Variants in CALN1 observed in about 807,000 individuals in gnomAD.
CALN1 encodes calcium-binding protein 8.
CALN1 carries 17 observed loss-of-function variants against 30.6 expected under a neutral mutation model. The ratio of observed to expected loss-of-function variants is 0.56; its 90% CI spans 0.38 to 0.83. The LOEUF is 0.83. CALN1 is among the 40% of genes least tolerant of loss of function. CALN1 has a pLI of 0.00. For synonymous variants in CALN1, 156 were observed against 131.4 expected (o/e 1.19, Z -1.28); for missense variants, 291 against 354.9 (o/e 0.82, Z 1.45).
intron 6 of CALN1, among the ~76,000 whole-genome samples, chr7:71,797,382 T>C (rs1786992487): frequency 6.6e-6 from 1 of 152,226 alleles, no homozygotes; most frequent in African/African-American, 2.4e-5. Context: ...TGATATTTTA[T>C]GATTCTATGA....
chr7:71,952,015 T>A (rs1796717723), intron 5 of CALN1, among the ~76,000 whole-genome samples: 1 of 152,038 alleles, frequency 6.6e-6, no homozygotes, highest in Non-Finnish European at 1.5e-5. Context: ...CGGCTGCTGA[T>A]GGTGGAGGGA....
chr7:72,209,330 T>TCCTTCCC (rs1562740200), intron 3 of CALN1, among the ~76,000 whole-genome samples: 12 of 3,324 alleles, frequency 3.6e-3, no homozygotes, highest in Non-Finnish European at 4.6e-3. Flanking sequence ...CCTTCCCTCT[T>TCCTTCCC]TCCTTCCCTC....
In CALN1 at chr7:72,345,470, GAGGGA is replaced by G. The variant is rs199671716; in HGVS notation, c.119+57776_119+57780del. 1.9e-3 allele frequency among the ~76,000 whole-genome samples: 281 copies of G among 148,248 alleles called. 3 individuals carry two copies. The highest frequency in any genetic ancestry group is 0.014 in the Middle Eastern group (4 of 286). On this transcript the variant is annotated intron_variant, in intron 2 of 6. Coordinates refer to ENST00000395275, the MANE Select transcript of CALN1 (RefSeq NM_031468.4). ...GAAAGACAAAAAGACAAAAGAAAGA[GAGGGA>G]AGGGAAGGGAAGGGAGAGAGGGAGA...
At chr7:72,345,928 G>A (rs986786020) in intron 2 of CALN1, among the ~76,000 whole-genome samples, 17 of 152,092 alleles carry the variant, frequency 1.1e-4, no homozygotes, top group Non-Finnish European at 2.9e-5. Flanking sequence ...CAACAGGCAT[G>A]TCCGGAAAAA....
intron 5 of CALN1, among the ~76,000 whole-genome samples, chr7:71,968,587 G>A (rs528507838): frequency 1.3e-5 from 2 of 152,090 alleles, no homozygotes; most frequent in East Asian, 3.9e-4. Context: ...TCACCATGCT[G>A]GCCAGGCTGG....
chr7:72,004,253 G>C (rs1799661966), intron 5 of CALN1, among the ~76,000 whole-genome samples: 1 of 152,082 alleles, frequency 6.6e-6, no homozygotes, highest in Non-Finnish European at 1.5e-5. Flanking sequence ...ATTGATTTTT[G>C]GCAAAGTCAT....
At position 72,110,651 on chromosome 7, in the gene CALN1, A is replaced by G. The variant is rs554128393; in HGVS notation, c.245-4357T>C. On this transcript the variant is annotated intron_variant, in intron 3 of 6. Transcript: ENST00000395275. ...CTGTCTGCAGAAGCAGACAAACCTC[A>G]CTAACTTTTTTTTTTTTTTTCAAAA... 1.8e-3 allele frequency among the ~76,000 whole-genome samples: 255 copies of G among 139,544 alleles called. 1 individual carries two copies. The highest frequency in any genetic ancestry group is 1.7e-3 in the South Asian group (8 of 4,578). 91.5% of individuals were successfully genotyped at this position (139,544 alleles called of 152,430 possible).
intron 3 of CALN1, among the ~76,000 whole-genome samples, chr7:72,261,714 C>T (rs1202944916): frequency 6.6e-6 from 1 of 152,164 alleles, no homozygotes; most frequent in Non-Finnish European, 1.5e-5. Flanking sequence ...AGGCATGAAT[C>T]ACCACACCCA....
At chr7:72,079,761 CTTTTTTTTTTTTTT>C (rs3065015) in intron 4 of CALN1, among the ~76,000 whole-genome samples, 17 of 104,038 alleles carry the variant, frequency 1.6e-4, no homozygotes, top group Non-Finnish European at 2.2e-4. Flanking sequence ...TGCCTTTTTC[CTTTTTTTTTTTTTT>C]TTTTTTTTTT....
At chr7:72,368,223 G>A (rs1049627929) in intron 2 of CALN1, among the ~76,000 whole-genome samples, 4 of 150,474 alleles carry the variant, frequency 2.7e-5, no homozygotes, top group Admixed American at 6.7e-5. Flanking sequence ...ATCTATGTGC[G>A]TGATATATAT....
rs1428382331 is a variant in CALN1, at chr7:71,783,354, CA to C, written c.*4420del. 1 of 152,134 alleles carries C rather than the reference CA, an allele frequency of 6.6e-6. No individual in the cohort carries two copies. The highest frequency in any genetic ancestry group is 2.4e-5 in the African/African-American group (1 of 41,428). 9.4% of individuals were successfully genotyped at this position (152,134 alleles called of 1,614,324 possible). A position where few individuals can be genotyped will look rare whatever the true frequency, so the allele number is the denominator to read the frequency against. On this transcript the variant is annotated 3_prime_UTR_variant, in exon 7 of 7. Transcript: ENST00000395275. Reference sequence around the variant, plus strand: ...ATATAGGAAAAGGGGCCCTTCCTAGCAGGGGAATTCCAGACCCCCCCTGTTA... The same window carrying C: ...ATATAGGAAAAGGGGCCCTTCCTAGCGGGGAATTCCAGACCCCCCCTGTTA...
chr7:72,162,198 A>C (rs1788162862), intron 3 of CALN1, among the ~76,000 whole-genome samples: 1 of 152,124 alleles, frequency 6.6e-6, no homozygotes, highest in South Asian at 2.1e-4. Context: ...TGAGAGTCAC[A>C]TAATCTATTA....
intron 3 of CALN1, among the ~76,000 whole-genome samples, chr7:72,204,012 G>C (rs1197065917): frequency 2.0e-5 from 1 of 48,966 alleles, no homozygotes; most frequent in Non-Finnish European, 3.0e-5. Context: ...TTTTTTTTGA[G>C]ACAGAGTCTC....
chr7:72,071,339 A>T (rs1804379371), intron 4 of CALN1, among the ~76,000 whole-genome samples: 1 of 152,142 alleles, frequency 6.6e-6, no homozygotes, highest in Non-Finnish European at 1.5e-5. Flanking sequence ...CCATTGTATA[A>T]GCTCCACCCC....
intron 2 of CALN1, among the ~76,000 whole-genome samples, chr7:72,327,027 G>T (rs1801325240): frequency 6.6e-6 from 1 of 152,196 alleles, no homozygotes; most frequent in African/African-American, 2.4e-5. Flanking sequence ...TAATTCTGCT[G>T]AATCACATGA....
At chr7:72,171,310 CAA>C (rs1788944465) in intron 3 of CALN1, among the ~76,000 whole-genome samples, 1 of 152,122 alleles carries the variant, frequency 6.6e-6, no homozygotes. Flanking sequence ...TCCAAATAAT[CAA>C]AGTCTTTTAA....
At chr7:72,442,954 T>G (rs538575276) in intron 1 of CALN1, among the ~76,000 whole-genome samples, 1 of 150,956 alleles carries the variant, frequency 6.6e-6, no homozygotes, top group South Asian at 2.1e-4. Flanking sequence ...TGCACTTTAT[T>G]AAGGGTTGCA....
intron 4 of CALN1, among the ~76,000 whole-genome samples, chr7:72,042,594 C>G (rs1255987927): frequency 6.6e-6 from 1 of 152,132 alleles, no homozygotes; most frequent in African/African-American, 2.4e-5. Flanking sequence ...GGGGCAGGAG[C>G]AGTGGATCAC....
At chr7:72,214,479 A>C (rs1000511147) in intron 3 of CALN1, among the ~76,000 whole-genome samples, 2 of 152,080 alleles carry the variant, frequency 1.3e-5, no homozygotes, top group African/African-American at 4.8e-5. Context: ...ACTCCATCTC[A>C]GAAAAAAAAA....
Sources: allele counts gnomAD v4.1 joint callset (sites outside exome capture counted in the v4.1 genomes callset), GRCh38; gene constraint gnomAD v4.1.1; transcripts MANE v1.5; gene names NCBI Gene and HGNC (gene_info 2026-07-23, HGNC 2026-07-21).